Variants in DGKB observed in about 807,000 individuals in gnomAD.
DGKB encodes diacylglycerol kinase beta.
In DGKB, 67 loss-of-function variants were observed where a neutral mutation model predicts 114.3. The observed-to-expected ratio is 0.59, with a 90% CI of 0.48 to 0.72. DGKB has a LOEUF of 0.72. Among genes scored for constraint, DGKB ranks in the 30% least tolerant of loss-of-function variants. The pLI is 0.00. For synonymous variants in DGKB, 398 were observed against 323.1 expected, an observed-to-expected ratio of 1.23 and a Z score of -2.49; for missense variants, 907 against 975.2, an observed-to-expected ratio of 0.93 and a Z score of 0.93.
At chr7:14,920,607 C>T (rs554963091) in intron 1 of DGKB, among the ~76,000 whole-genome samples, 25 of 152,276 alleles carry the variant, frequency 1.6e-4, no homozygotes, top group African/African-American at 6.0e-4. Context: ...CAAAGTTAAA[C>T]ATAGTCTTAT....
At chr7:14,662,680 T>C (rs1357125225) in intron 13 of DGKB, among the ~76,000 whole-genome samples, 1 of 151,888 alleles carries the variant, frequency 6.6e-6, no homozygotes, top group African/African-American at 2.4e-5. Flanking sequence ...TACATAAAAA[T>C]TTAAGGATAT....
intron 2 of DGKB, among the ~76,000 whole-genome samples, chr7:14,763,960 C>T (rs544687790): frequency 6.6e-5 from 10 of 152,000 alleles, no homozygotes; most frequent in Non-Finnish European, 1.2e-4. Context: ...GAGAGAGGCT[C>T]AATGGGACCA....
chr7:14,770,293 A>C (rs56656737), intron 2 of DGKB, among the ~76,000 whole-genome samples: 19,498 of 152,036 alleles, frequency 0.13, 1,667 homozygotes, highest in African/African-American at 0.25. Flanking sequence ...AAGAAGGTCA[A>C]GAATCGGGTT....
At chr7:14,550,340 T>C (rs1223685282) in intron 20 of DGKB, among the ~76,000 whole-genome samples, 1 of 152,166 alleles carries the variant, frequency 6.6e-6, no homozygotes. Context: ...TGAAATTACA[T>C]TTGCAATGAA....
chr7:14,647,163 A>T (rs924945809), intron 13 of DGKB, among the ~76,000 whole-genome samples: 3 of 152,128 alleles, frequency 2.0e-5, no homozygotes, highest in Non-Finnish European at 2.9e-5. Flanking sequence ...AAGGATCATT[A>T]GAAACTGTTA....
chr7:14,633,182 G>A (rs1563737747), intron 13 of DGKB, among the ~76,000 whole-genome samples: 1 of 151,850 alleles, frequency 6.6e-6, no homozygotes, highest in African/African-American at 2.4e-5. Context: ...AGTGAGGTTG[G>A]CAGAGAGGTG....
intron 25 of DGKB, among the ~76,000 whole-genome samples, chr7:14,170,432 A>C (rs556063334): frequency 1.5e-4 from 23 of 152,304 alleles, no homozygotes; most frequent in African/African-American, 5.5e-4. Flanking sequence ...GTACACATAC[A>C]ACAGAAACTG....
At chr7:14,665,842 T>C (rs977358002) in intron 13 of DGKB, among the ~76,000 whole-genome samples, 6 of 152,032 alleles carry the variant, frequency 3.9e-5, no homozygotes, top group African/African-American at 1.4e-4. Flanking sequence ...AATATAATTC[T>C]AGAGAAATTG....
At chr7:14,240,011 C>G (rs953412185) in intron 23 of DGKB, among the ~76,000 whole-genome samples, 6 of 151,974 alleles carry the variant, frequency 3.9e-5, no homozygotes, top group African/African-American at 1.4e-4. Flanking sequence ...TGCTACCTTA[C>G]CAGCCACTGC....
At chr7:14,625,856 T>C (rs1370728137) in intron 14 of DGKB, among the ~76,000 whole-genome samples, 1 of 152,192 alleles carries the variant, frequency 6.6e-6, no homozygotes, top group Non-Finnish European at 1.5e-5. Context: ...ATTTGAGCAT[T>C]TTCAAATATC....
chr7:14,417,900 G>C (rs764397969), intron 21 of DGKB, among the ~76,000 whole-genome samples: 1 of 151,464 alleles, frequency 6.6e-6, no homozygotes, highest in Admixed American at 6.6e-5. Flanking sequence ...CTTTTACCTA[G>C]TTTGGATGGA....
rs1177870951 is a variant in DGKB at position 14,148,599 on chromosome 7, T to C, written c.*532A>G. The C allele has an allele frequency of 6.5e-6, 1 of 153,546 alleles. No individual in the cohort carries two copies. The highest frequency in any genetic ancestry group is 1.5e-5 in the Non-Finnish European group (1 of 68,958). The allele number at this position is 153,546 out of a possible 1,614,324, so 9.5% of individuals were successfully genotyped here. A position where few individuals can be genotyped will look rare whatever the true frequency, so the allele number is the denominator to read the frequency against. On this transcript the variant is annotated 3_prime_UTR_variant, in exon 26 of 26. Coordinates refer to ENST00000402815, the MANE Select transcript of DGKB (RefSeq NM_001350709.2). ...AGATGTTGAAGAAAAACTATGTATA[T>C]ATAGCAAGGTATTGTAGTCAACTAT...
rs1012693369 is a variant in DGKB at position 14,411,807 on chromosome 7, C to G, written c.1835+66354G>C. ...AATAATTATAGATACAAAGAAAGCTCTGTATACAAAGATGTTAACCAAAGT... is the reference window on the plus strand; with the variant it reads ...AATAATTATAGATACAAAGAAAGCTGTGTATACAAAGATGTTAACCAAAGT... On this transcript the variant is annotated intron_variant, in intron 21 of 25. Transcript: ENST00000402815. Among the ~76,000 whole-genome samples, 18 of 151,770 alleles carry G rather than the reference C, an allele frequency of 1.2e-4. 7 individuals are homozygous for G. Among genetic ancestry groups the G allele is most frequent in the African/African-American group, 3.9e-4 (16 of 41,310 alleles).
chr7:14,344,711 T>C (rs1223030856), intron 22 of DGKB, among the ~76,000 whole-genome samples: 1 of 150,220 alleles, frequency 6.7e-6, no homozygotes, highest in Non-Finnish European at 1.5e-5. Flanking sequence ...TACAGTGTCT[T>C]TTTTTTTTAC....
chr7:14,833,822 C>A (rs1229464043), intron 2 of DGKB, among the ~76,000 whole-genome samples: 1 of 152,158 alleles, frequency 6.6e-6, no homozygotes, highest in East Asian at 1.9e-4. Flanking sequence ...TTTCTTCCCC[C>A]ACCTCTACTC....
intron 20 of DGKB, among the ~76,000 whole-genome samples, chr7:14,532,757 C>T (rs1402065332): frequency 6.6e-6 from 1 of 151,528 alleles, no homozygotes; most frequent in East Asian, 1.9e-4. Context: ...ACATGGAGTC[C>T]TAAACATTAT....
chr7:14,741,930 T>G (rs1832643168), intron 4 of DGKB, among the ~76,000 whole-genome samples: 1 of 152,222 alleles, frequency 6.6e-6, no homozygotes, highest in Non-Finnish European at 1.5e-5. Flanking sequence ...AAAAGACCTT[T>G]ATGTTTTTTT....
chr7:14,959,378 GT>G (rs71549904), intron 1 of DGKB, among the ~76,000 whole-genome samples: 27,670 of 145,908 alleles, frequency 0.19, 2,771 homozygotes, highest in African/African-American at 0.26. Context: ...GTGAAATAGA[GT>G]TTTTTTTTTT....
At chr7:14,462,339 C>G (rs200524918) in intron 21 of DGKB, among the ~76,000 whole-genome samples, 1 of 152,080 alleles carries the variant, frequency 6.6e-6, no homozygotes, top group Non-Finnish European at 1.5e-5. Context: ...GATGACATGA[C>G]TGTATATTTA....
Sources: gnomAD v4.1 joint callset for allele counts (sites outside exome capture counted in the v4.1 genomes callset) on GRCh38, gnomAD v4.1.1 for gene constraint, MANE v1.5 for transcripts, NCBI Gene and HGNC (gene_info 2026-07-23, HGNC 2026-07-21) for gene names.